The following ZFPM2 variants were observed in gnomAD, a reference collection of about 807,000 sequenced individuals.
ZFPM2 encodes zinc finger protein ZFPM2.
ZFPM2 carries 20 observed loss-of-function variants against 98.6 expected under a neutral mutation model. The observed-to-expected ratio is 0.20, with a 90% CI of 0.14 to 0.29. The LOEUF (loss-of-function observed/expected upper bound fraction) is 0.29. ZFPM2 is among the 10% of genes least tolerant of loss of function. The probability of loss-of-function intolerance (pLI) is 1.00; values close to 1 mark genes in which losing one functional copy is unlikely to be tolerated. For synonymous variants in ZFPM2, 518 were observed against 502.7 expected, an observed-to-expected ratio of 1.03 and a Z score of -0.41; for missense variants, 1,310 against 1,388.6, an observed-to-expected ratio of 0.94 and a Z score of 0.90.
chr8:105,528,143 G>A (rs1814215511), intron 3 of ZFPM2, among the ~76,000 whole-genome samples: 1 of 152,202 alleles, frequency 6.6e-6, no homozygotes, highest in Admixed American at 6.5e-5. Flanking sequence ...CTGAGCCCAG[G>A]TGGGAGAATC....
intron 5 of ZFPM2, among the ~76,000 whole-genome samples, chr8:105,687,154 C>CA (rs1810757975): frequency 6.6e-6 from 1 of 152,134 alleles, no homozygotes; most frequent in Admixed American, 6.6e-5. Flanking sequence ...GTGGAAGCCA[C>CA]ATATTGAAAG....
Position 105,582,299 on chromosome 8 carries a change from G to A in ZFPM2, c.420+20818G>A, listed in dbSNP as rs142305386. Among the ~76,000 whole-genome samples the A allele has an allele frequency of 1.5e-4, 23 of 152,308 alleles. No homozygotes were observed. In the East Asian group the frequency reaches 4.4e-3, roughly 29 times the overall value. On this transcript the variant is annotated intron_variant, in intron 4 of 7. Coordinates refer to ENST00000407775, the MANE Select transcript of ZFPM2 (RefSeq NM_012082.4). ...TGAAAGACTGTCTTCAGAATGGTTAGTAGAAACATAATTAATTCAGTGGCT... is the reference window on the plus strand; with the variant it reads ...TGAAAGACTGTCTTCAGAATGGTTAATAGAAACATAATTAATTCAGTGGCT...
intron 1 of ZFPM2, among the ~76,000 whole-genome samples, chr8:105,346,872 T>C (rs1266688855): frequency 9.9e-5 from 15 of 152,138 alleles, no homozygotes; most frequent in Admixed American, 9.8e-4. Flanking sequence ...TAGGTGGAGA[T>C]GGCTACAAAT....
chr8:105,613,368 A>C (rs2078224329), intron 4 of ZFPM2, among the ~76,000 whole-genome samples: 1 of 152,250 alleles, frequency 6.6e-6, no homozygotes, highest in Admixed American at 6.5e-5. Flanking sequence ...AATATGAGTA[A>C]TTACTATTAG....
intron 4 of ZFPM2, among the ~76,000 whole-genome samples, chr8:105,574,601 G>A (rs1815425264): frequency 6.6e-6 from 1 of 152,180 alleles, no homozygotes; most frequent in African/African-American, 2.4e-5. Flanking sequence ...AGACAGTGAT[G>A]TACTGTGAAA....
chr8:105,666,049 GATATTATTTGAATCATTGAT>G (rs1458722300), intron 5 of ZFPM2, among the ~76,000 whole-genome samples: 2 of 152,074 alleles, frequency 1.3e-5, no homozygotes, highest in African/African-American at 4.8e-5. Flanking sequence ...TTGAATCATT[GATATTATTTGAATCATTGAT>G]ATTATTTGAA....
At chr8:105,497,308 ATATC>A (rs1292300727) in intron 3 of ZFPM2, among the ~76,000 whole-genome samples, 1 of 152,128 alleles carries the variant, frequency 6.6e-6, no homozygotes, top group African/African-American at 2.4e-5. Flanking sequence ...AAGCATTCTG[ATATC>A]AAACCTAATC....
At chr8:105,529,431 T>C (rs745474348) in intron 3 of ZFPM2, among the ~76,000 whole-genome samples, 31 of 152,134 alleles carry the variant, frequency 2.0e-4, no homozygotes, top group Non-Finnish European at 4.0e-4. Flanking sequence ...ATGTACATTA[T>C]TATAAGTACT....
At chr8:105,691,524 A>C (rs1458090245) in intron 5 of ZFPM2, among the ~76,000 whole-genome samples, 1 of 151,770 alleles carries the variant, frequency 6.6e-6, no homozygotes, top group Admixed American at 6.6e-5. Flanking sequence ...CTGGGATTAC[A>C]GGCGTGAGCC....
intron 1 of ZFPM2, among the ~76,000 whole-genome samples, chr8:105,330,537 T>TATATATATATATATATA (rs1812191595): frequency 1.1e-5 from 1 of 90,630 alleles, no homozygotes; most frequent in Non-Finnish European, 2.2e-5. Flanking sequence ...TCTCTCTCTC[T>TATATATATATATATATA]CTATATATAT....
intron 1 of ZFPM2, among the ~76,000 whole-genome samples, chr8:105,323,734 C>T (rs1812069264): frequency 1.3e-5 from 2 of 151,716 alleles, no homozygotes; most frequent in Non-Finnish European, 3.0e-5. Context: ...AGAAAGTTTA[C>T]CTGTAAAAGA....
At chr8:105,329,946 T>TA (rs960742856) in intron 1 of ZFPM2, among the ~76,000 whole-genome samples, 9 of 151,768 alleles carry the variant, frequency 5.9e-5, no homozygotes, top group Non-Finnish European at 1.5e-5. Context: ...AAATCACCTT[T>TA]AAAAAAATCT....
At position 105,498,745 on chromosome 8, in the gene ZFPM2, C is replaced by A. The variant is rs1302847119; in HGVS notation, c.301+54364C>A. 2.0e-5 allele frequency among the ~76,000 whole-genome samples: 3 copies of A among 152,130 alleles called. No individual in the cohort carries two copies. The East Asian group carries it at 5.8e-4, about 29-fold the overall frequency. ...TTGGAAGCCTATAAGCAGTTCATTC[C>A]TGGTGGAGCTTGGTTGGGAGGATGG... is the stretch of plus-strand genomic sequence containing the variant. On this transcript the variant is annotated intron_variant, in intron 3 of 7. Transcript: ENST00000407775.
chr8:105,357,202 C>T (rs535628314), intron 1 of ZFPM2, among the ~76,000 whole-genome samples: 1 of 152,260 alleles, frequency 6.6e-6, no homozygotes, highest in South Asian at 2.1e-4. Flanking sequence ...ATAAATCTTT[C>T]TGATTGAAAA....
intron 3 of ZFPM2, among the ~76,000 whole-genome samples, chr8:105,521,778 C>G (rs1814066719): frequency 6.6e-6 from 1 of 152,004 alleles, no homozygotes; most frequent in African/African-American, 2.4e-5. Flanking sequence ...GGTTTTGCCA[C>G]GTTGGTCAGG....
chr8:105,780,921 T>G (rs536860837), intron 5 of ZFPM2, among the ~76,000 whole-genome samples: 1 of 152,340 alleles, frequency 6.6e-6, no homozygotes, highest in Non-Finnish European at 1.5e-5. Flanking sequence ...TTTCTGAGTT[T>G]CAAAATGGAC....
Position 105,803,383 on chromosome 8 carries a change from T to C in ZFPM2, c.3301T>C (p.Leu1101=), listed in dbSNP as rs1434879906. Residue 1101 remains leucine, a synonymous_variant, in exon 8 of 8, where the codon TTG becomes CTG. Coordinates refer to ENST00000407775, the MANE Select transcript of ZFPM2 (RefSeq NM_012082.4). Reference sequence around the variant, plus strand: ...AGGAATTCCCTCAGCAGAGGAACAGTTGTCTAGTATAGCAAAAGGTGTGAA... The same window carrying C: ...AGGAATTCCCTCAGCAGAGGAACAGCTGTCTAGTATAGCAAAAGGTGTGAA... ...SPGIPSAEEQ[L]SSIAKGVNGS... The C allele has an allele frequency of 1.9e-6, 3 of 1,613,720 alleles. No individual in the cohort carries two copies. The highest frequency in any genetic ancestry group is 1.7e-5 in the Admixed American group (1 of 60,008).
intron 3 of ZFPM2, among the ~76,000 whole-genome samples, chr8:105,541,673 G>T (rs1399101734): frequency 6.6e-6 from 1 of 152,130 alleles, no homozygotes; most frequent in African/African-American, 2.4e-5. Context: ...CTTTCACCAG[G>T]GAGCAGTAAT....
At chr8:105,404,730 A>G (rs890778487) in intron 1 of ZFPM2, among the ~76,000 whole-genome samples, 10 of 152,068 alleles carry the variant, frequency 6.6e-5, no homozygotes, top group African/African-American at 2.4e-4. Flanking sequence ...TTTGTGAAAG[A>G]TTCAGTAGCT....
Sources: gnomAD v4.1 joint callset for allele counts (sites outside exome capture counted in the v4.1 genomes callset) on GRCh38, gnomAD v4.1.1 for gene constraint, MANE v1.5 for transcripts, NCBI Gene and HGNC (gene_info 2026-07-23, HGNC 2026-07-21) for gene names.